PIK3C3: variants seen among roughly 807,000 people sequenced by gnomAD.
The protein encoded by PIK3C3 is phosphatidylinositol 3-kinase catalytic subunit type 3.
A neutral mutation model predicts 126.1 loss-of-function variants in PIK3C3; 95 were observed. That is an observed-to-expected ratio of 0.75 (90% CI 0.64 to 0.89). The LOEUF (loss-of-function observed/expected upper bound fraction) is 0.89. Among genes scored for constraint, PIK3C3 ranks in the 40% least tolerant of loss-of-function variants. PIK3C3 has a pLI of 0.00. For missense variants in PIK3C3, 829 were observed against 1,063.2 expected (o/e 0.78, Z 3.06); for synonymous variants, 374 against 360.0 (o/e 1.04, Z -0.44).
intron 13 of PIK3C3, among the ~76,000 whole-genome samples, chr18:42,024,372 A>T (rs1336760089): frequency 6.6e-6 from 1 of 152,020 alleles, no homozygotes; most frequent in African/African-American, 2.4e-5. Flanking sequence ...TCATATTTGG[A>T]GATGACAGTG....
At chr18:41,963,026 A>G (rs1461653140) in intron 3 of PIK3C3, among the ~76,000 whole-genome samples, 1 of 152,168 alleles carries the variant, frequency 6.6e-6, no homozygotes, top group Non-Finnish European at 1.5e-5. Context: ...TAATGATGGT[A>G]ATGATTGTGA....
chr18:41,987,778 T>C lies in PIK3C3; in HGVS notation c.532-34T>C, dbSNP rs781690628. ...TTGGTCCTTCTTTCTACTAGATGTA[T>C]ATTAAAATTTTCGTCATTGTATTTA... On this transcript the variant is annotated intron_variant, in intron 4 of 24. Coordinates refer to ENST00000262039, the MANE Select transcript of PIK3C3 (RefSeq NM_002647.4). 20 of 1,419,966 alleles carry C rather than the reference T, an allele frequency of 1.4e-5. No individual in the cohort carries two copies. In the South Asian group the frequency reaches 2.2e-4, roughly 16 times the overall value. 88.0% of individuals were successfully genotyped at this position (1,419,966 alleles called of 1,614,324 possible). A position where few individuals can be genotyped will look rare whatever the true frequency, so the allele number is the denominator to read the frequency against.
intron 7 of PIK3C3, among the ~76,000 whole-genome samples, chr18:41,994,935 G>A (rs531902401): frequency 1.3e-5 from 2 of 152,184 alleles, no homozygotes; most frequent in South Asian, 4.1e-4. Flanking sequence ...CTACTTGGGA[G>A]GTTGAGGTAG....
At position 42,076,210 on chromosome 18, in the gene PIK3C3, A is replaced by G. The variant is rs541284239; in HGVS notation, c.2650-4913A>G. On this transcript the variant is annotated intron_variant, in intron 24 of 24. Coordinates refer to ENST00000262039, the MANE Select transcript of PIK3C3 (RefSeq NM_002647.4). ...TATATATGCACACATATATATATGC[A>G]CATATATATATGCATATATATATTA... Among the ~76,000 whole-genome samples the G allele has an allele frequency of 1.6e-4, 22 of 141,422 alleles. No individual in the cohort carries two copies. The East Asian group carries it at 3.1e-3, about 20-fold the overall frequency. 92.8% of individuals were successfully genotyped at this position (141,422 alleles called of 152,430 possible). A position where few individuals can be genotyped will look rare whatever the true frequency, so the allele number is the denominator to read the frequency against.
chr18:42,055,784 A>G (rs2144501853), intron 21 of PIK3C3, among the ~76,000 whole-genome samples: 1 of 152,216 alleles, frequency 6.6e-6, no homozygotes, highest in African/African-American at 2.4e-5. Flanking sequence ...GGACACGTTT[A>G]ATTATTAAAC....
chr18:41,959,112 A>T (rs1370121375), intron 2 of PIK3C3, among the ~76,000 whole-genome samples: 1 of 152,216 alleles, frequency 6.6e-6, no homozygotes, highest in Non-Finnish European at 1.5e-5. Flanking sequence ...TTTTTCAGGG[A>T]CAGAGCTCAA....
chr18:42,013,450 G>C lies in PIK3C3; in HGVS notation c.1179G>C (p.Leu393Phe). The stretch of plus-strand genomic sequence containing the variant: ...TTTTTTTTGTTTTCCAGGATTTGTT[G>C]ATGTACCTATTACAATTGGTCCAGG... ...RLRQADDEDL[L>F]MYLLQLVQAL... The change falls in exon 11 of 25, where the codon TTG becomes TTC. Residue 393 changes from leucine to phenylalanine, a missense_variant. By Grantham distance (22) the Leu-to-Phe change is conservative (BLOSUM62 0). Transcript: ENST00000262039. The C allele has an allele frequency of 6.6e-7, 1 of 1,522,390 alleles. No individual in the cohort carries two copies. Among genetic ancestry groups the C allele is most frequent in the South Asian group, 1.3e-5 (1 of 77,554 alleles). 94.3% of individuals were successfully genotyped at this position (1,522,390 alleles called of 1,614,324 possible).
intron 21 of PIK3C3, among the ~76,000 whole-genome samples, chr18:42,056,419 G>A (rs1985067268): frequency 1.3e-5 from 2 of 152,100 alleles, no homozygotes; most frequent in Admixed American, 6.6e-5. Flanking sequence ...GAAGAAAACT[G>A]GGATAGGTTT....
chr18:42,005,367 T>C (rs981795185), intron 10 of PIK3C3, among the ~76,000 whole-genome samples: 2 of 152,212 alleles, frequency 1.3e-5, no homozygotes, highest in African/African-American at 4.8e-5. Flanking sequence ...ATTATAATCT[T>C]ATGGGATTAC....
intron 4 of PIK3C3, among the ~76,000 whole-genome samples, chr18:41,973,200 A>C (rs961393042): frequency 1.3e-5 from 2 of 152,076 alleles, no homozygotes; most frequent in Non-Finnish European, 2.9e-5. Flanking sequence ...TATTGTTTGC[A>C]GGTCATTCCT....
chr18:41,993,113 A>G (rs1224724575), intron 6 of PIK3C3, among the ~76,000 whole-genome samples, 157 bp from the exon 7 acceptor site: 1 of 152,202 alleles, frequency 6.6e-6, no homozygotes, highest in East Asian at 1.9e-4. Flanking sequence ...CAAAGTGGAC[A>G]TGCATTTTAT....
At position 41,990,504 on chromosome 18, in the gene PIK3C3, C is replaced by T. The variant is rs267605182; in HGVS notation, c.664C>T (p.Arg222Ter). 1.7e-5 allele frequency: 27 copies of T among 1,601,920 alleles called. No homozygotes were observed. The highest frequency in any genetic ancestry group is 2.7e-5 in the African/African-American group (2 of 74,220). The change falls in exon 6 of 25, where the codon CGA (arginine) becomes TGA (stop). Residue 222 changes from arginine (R) to a stop codon, truncating the protein, a stop_gained. Coordinates refer to ENST00000262039, the MANE Select transcript of PIK3C3 (RefSeq NM_002647.4). LOFTEE classifies it high-confidence loss of function. ...TTTCATGTACCTGATGGTTGAATTT[C>T]GATGTGTCAAGTGTGATGATAAGGA... ...SNFMYLMVEF[R>*]CVKCDDKEYG...
intron 19 of PIK3C3, among the ~76,000 whole-genome samples, chr18:42,043,007 A>G (rs1395888525): frequency 6.6e-6 from 1 of 151,884 alleles, no homozygotes; most frequent in East Asian, 1.9e-4. Flanking sequence ...TATTTTTTGT[A>G]TTGATTTATA....
intron 4 of PIK3C3, chr18:41,984,916 G>C (rs540642542): frequency 6.6e-6 from 1 of 152,140 alleles, no homozygotes; most frequent in African/African-American, 2.4e-5. Context: ...GCAAGACAGC[G>C]TGACAGCTTT....
chr18:41,975,891 G>A (rs1044376855), intron 4 of PIK3C3, among the ~76,000 whole-genome samples: 1 of 152,052 alleles, frequency 6.6e-6, no homozygotes, highest in Admixed American at 6.6e-5. Flanking sequence ...TAGTAGAAAT[G>A]GGGCTTCATT....
At chr18:42,030,874 C>A (rs1983792958) in intron 15 of PIK3C3, among the ~76,000 whole-genome samples, 1 of 152,086 alleles carries the variant, frequency 6.6e-6, no homozygotes, top group Non-Finnish European at 1.5e-5. Context: ...ATTTAGCAGG[C>A]ACAGGAACCT....
intron 4 of PIK3C3, chr18:41,971,232 A>T: frequency 6.6e-6 from 1 of 152,100 alleles, no homozygotes; most frequent in East Asian, 1.9e-4. Flanking sequence ...TGTAGTTATA[A>T]TACATACTTT....
At chr18:41,982,000 TG>T in intron 4 of PIK3C3, among the ~76,000 whole-genome samples, 1 of 151,748 alleles carries the variant, frequency 6.6e-6, no homozygotes, top group East Asian at 1.9e-4. Context: ...AAAAAGGTAC[TG>T]CATAGTTTAT....
At chr18:41,970,196 G>A in intron 3 of PIK3C3, 131 bp from the exon 4 acceptor site, 1 of 715,624 alleles carries the variant, frequency 1.4e-6, no homozygotes, top group African/African-American at 1.8e-5. Flanking sequence ...ACATTCCATT[G>A]GGGGCTTAAA....
Sources: allele counts gnomAD v4.1 joint callset (sites outside exome capture counted in the v4.1 genomes callset), GRCh38; gene constraint gnomAD v4.1.1; transcripts MANE v1.5; gene names NCBI Gene and HGNC (gene_info 2026-07-23, HGNC 2026-07-21).